The following MAP3K13 variants were observed in gnomAD, a reference collection of about 807,000 sequenced individuals.
MAP3K13 encodes the protein leucine zipper-bearing kinase.
Under a neutral mutation model 104.0 loss-of-function variants are expected in MAP3K13, and 52 were observed. The ratio of observed to expected loss-of-function variants is 0.50; its 90% confidence interval spans 0.40 to 0.63. The LOEUF is 0.63. Ranked by LOEUF, MAP3K13 falls within the 20% of genes least tolerant of loss-of-function variation. MAP3K13 has a pLI of 0.00. For synonymous variants in MAP3K13, 394 were observed against 442.2 expected, an observed-to-expected ratio of 0.89 and a Z score of 1.37; for missense variants, 914 against 1,218.5, an observed-to-expected ratio of 0.75 and a Z score of 3.72.
At chr3:185,463,874 T>C (rs1023810493) in intron 8 of MAP3K13, among the ~76,000 whole-genome samples, 6 of 152,244 alleles carry the variant, frequency 3.9e-5, no homozygotes, top group South Asian at 2.1e-4. Context: ...ATTAGGTCTC[T>C]GCAACAAAGA....
chr3:185,405,124 A>G (rs1006043166), intron 1 of MAP3K13, among the ~76,000 whole-genome samples: 1 of 152,092 alleles, frequency 6.6e-6, no homozygotes, highest in Non-Finnish European at 1.5e-5. Context: ...CTACCTGACT[A>G]CTGTTAGATT....
Position 185,415,573 on chromosome 3 carries a change from A to ATTTTTTTTTTTTTTTTTTTTTTTTTTTTT in MAP3K13, c.-85-12921_-85-12920insTTTTTTTTTTTTTTTTTTTTTTTTTTTTT, listed in dbSNP as rs34633048. Among the ~76,000 whole-genome samples, 7 of 119,450 alleles carry ATTTTTTTTTTTTTTTTTTTTTTTTTTTTT rather than the reference A, an allele frequency of 5.9e-5. 1 individual carries two copies. The highest frequency in any genetic ancestry group is 3.4e-5 in the Non-Finnish European group (2 of 59,192). The allele number at this position is 119,450 out of a possible 152,430, so 78.4% of individuals were successfully genotyped here. Reference sequence around the variant, plus strand: ...CACAGTATTAAAACCAGAAGGGTTAATTTCTTTTTTTTTTTTTTTTTTTTT... The same window carrying ATTTTTTTTTTTTTTTTTTTTTTTTTTTTT: ...CACAGTATTAAAACCAGAAGGGTTAATTTTTTTTTTTTTTTTTTTTTTTTTTTTTTTTCTTTTTTTTTTTTTTTTTTTTT... On this transcript the variant is annotated intron_variant, in intron 1 of 13. Transcript: ENST00000265026.
At chr3:185,370,468 T>TG (rs1172338721) in intron 1 of MAP3K13, among the ~76,000 whole-genome samples, 4 of 40,434 alleles carry the variant, frequency 9.9e-5, no homozygotes, top group Non-Finnish European at 2.9e-4. Flanking sequence ...AGTGCTGGGA[T>TG]TACAGGCGTG....
intron 1 of MAP3K13, among the ~76,000 whole-genome samples, chr3:185,403,444 A>G (rs1712927558): frequency 1.3e-5 from 2 of 152,262 alleles, no homozygotes; most frequent in Admixed American, 1.3e-4. Context: ...ATTTATGGCT[A>G]TAGTAAATGC....
intron 1 of MAP3K13, among the ~76,000 whole-genome samples, chr3:185,402,328 T>G (rs1020371156): frequency 1.3e-5 from 2 of 151,970 alleles, no homozygotes; most frequent in Non-Finnish European, 2.9e-5. Context: ...ATTGTCAGGG[T>G]TTTTTTTCTA....
Position 185,482,754 on chromosome 3 carries a change from A to G in MAP3K13, c.*298A>G. On this transcript the variant is annotated 3_prime_UTR_variant, in exon 14 of 14. Coordinates refer to ENST00000265026, the MANE Select transcript of MAP3K13 (RefSeq NM_004721.5). The surrounding 1 kb of genome is among the most constrained non-coding windows in gnomAD (Gnocchi z 4.5). The stretch of plus-strand genomic sequence containing the variant: ...ATATTTATTTTTGTTTGACATTTTA[A>G]CACTTTGTACTGCAAAGAGTGAACT... 1 of 314,394 alleles carries G rather than the reference A, an allele frequency of 3.2e-6. No individual in the cohort carries two copies. The highest frequency in any genetic ancestry group is 5.9e-6 in the Non-Finnish European group (1 of 170,000). The allele number at this position is 314,394 out of a possible 1,614,324, so 19.5% of individuals were successfully genotyped here. A position where few individuals can be genotyped will look rare whatever the true frequency, so the allele number is the denominator to read the frequency against.
At chr3:185,366,562 T>G (rs1723897598) in intron 1 of MAP3K13, among the ~76,000 whole-genome samples, 1 of 152,242 alleles carries the variant, frequency 6.6e-6, no homozygotes, top group African/African-American at 2.4e-5. Context: ...CAGCAATGTA[T>G]GAGGGTCCAG....
rs1716224375 is a variant in MAP3K13, at chr3:185,454,638, A to ATATATAT, written c.1278+3243_1278+3244insTATATAT. 6.0e-5 allele frequency among the ~76,000 whole-genome samples: 3 copies of ATATATAT among 49,836 alleles called. 1 individual carries two copies. The highest frequency in any genetic ancestry group is 6.6e-4 in the Admixed American group (2 of 3,032). 32.7% of individuals were successfully genotyped at this position (49,836 alleles called of 152,430 possible). Reference sequence around the variant, plus strand: ...GATATATATATGAGATATATATATGAGATATATATATGATATATATATGAT... The same window carrying ATATATAT: ...GATATATATATGAGATATATATATGATATATATGATATATATATGATATATATATGAT... On this transcript the variant is annotated intron_variant, in intron 7 of 13. Transcript: ENST00000265026.
At chr3:185,390,532 C>G (rs1450191126) in intron 1 of MAP3K13, among the ~76,000 whole-genome samples, 6 of 152,150 alleles carry the variant, frequency 3.9e-5, no homozygotes, top group African/African-American at 1.2e-4. Context: ...TTTATTGTTA[C>G]TCATTACAAA....
chr3:185,447,812 C>A lies in MAP3K13; in HGVS notation c.875C>A (p.Ala292Glu). 6.2e-7 allele frequency: 1 copy of A among 1,611,928 alleles called. No individual in the cohort carries two copies. ...SPNVLVTHTD[A>E]VKISDFGTSK... ...AGTGTTTTAGTGACCCACACAGATG[C>A]GGTAAAAATTTCAGATTTTGGTACA... is the stretch of plus-strand genomic sequence containing the variant. Residue 292 changes from alanine to glutamate, a missense_variant, in exon 5 of 14, where the codon GCG (alanine) becomes GAG (glutamate). Coordinates refer to ENST00000265026, the MANE Select transcript of MAP3K13 (RefSeq NM_004721.5).
chr3:185,437,530 T>C lies in MAP3K13; in HGVS notation c.559T>C (p.Phe187Leu), dbSNP rs1715107475. 6.2e-7 allele frequency: 1 copy of C among 1,613,978 alleles called. No homozygotes were observed. Among genetic ancestry groups the C allele is most frequent in the East Asian group, 2.2e-5 (1 of 44,874 alleles). Residue 187 changes from phenylalanine to leucine, a missense_variant, in exon 3 of 14, where the codon TTC (phenylalanine) becomes CTC (leucine). Physicochemically the swap from Phe to Leu is conservative, Grantham distance 22 (BLOSUM62 0). Around this residue, in one of 3 missense-constraint regions of MAP3K13, gnomAD observed 175 missense variants for 321.3 expected, o/e 0.54. Coordinates refer to ENST00000265026, the MANE Select transcript of MAP3K13 (RefSeq NM_004721.5). Reference sequence around the variant, plus strand: ...CCAAGGAGCGGTCTTCTTGGGCAAGTTCCGGGCGGAAGAGGTGGCCATCAA... The same window carrying C: ...CCAAGGAGCGGTCTTCTTGGGCAAGCTCCGGGCGGAAGAGGTGGCCATCAA... ...GAQGAVFLGK[F>L]RAEEVAIKKV... is the part of the protein sequence containing the mutation.
chr3:185,472,265 T>A (rs921265946), intron 10 of MAP3K13, among the ~76,000 whole-genome samples: 2 of 148,442 alleles, frequency 1.3e-5, no homozygotes, highest in East Asian at 4.0e-4. Context: ...GCTGGAGTAG[T>A]GTAGTGGCAC....
chr3:185,391,844 G>A (rs1366470495), intron 1 of MAP3K13, among the ~76,000 whole-genome samples: 1 of 152,028 alleles, frequency 6.6e-6, no homozygotes, highest in Non-Finnish European at 1.5e-5. Flanking sequence ...AAGCAGATAG[G>A]TTAGATATCT....
intron 1 of MAP3K13, among the ~76,000 whole-genome samples, chr3:185,378,010 G>T (rs544814808): frequency 1.3e-5 from 2 of 152,184 alleles, no homozygotes; most frequent in African/African-American, 4.8e-5. Context: ...CTGGGGTGGG[G>T]GGAGGTTCTG....
chr3:185,382,028 G>A (rs62290219), intron 1 of MAP3K13, among the ~76,000 whole-genome samples: 38,781 of 152,016 alleles, frequency 0.26, 5,108 homozygotes, highest in Admixed American at 0.3. Flanking sequence ...TGATGATGAA[G>A]TCTATCCAAT....
chr3:185,452,997 G>A (rs533941997), intron 7 of MAP3K13, among the ~76,000 whole-genome samples: 8 of 152,244 alleles, frequency 5.3e-5, no homozygotes, highest in African/African-American at 9.6e-5. Context: ...TCATAAGGGC[G>A]CAGATCTGGA....
rs61621090 is a variant in MAP3K13, at chr3:185,449,371, TAAAAAAA to T, written c.1011-512_1011-506del. Among the ~76,000 whole-genome samples the T allele has an allele frequency of 5.0e-5, 4 of 80,786 alleles. 1 individual carries two copies. Among genetic ancestry groups the T allele is most frequent in the South Asian group, 8.7e-4 (2 of 2,304 alleles). The allele number at this position is 80,786 out of a possible 152,430, so 53.0% of individuals were successfully genotyped here. On this transcript the variant is annotated intron_variant, in intron 5 of 13. Coordinates refer to ENST00000265026, the MANE Select transcript of MAP3K13 (RefSeq NM_004721.5). ...CTAGGTGACAGAGCAAGATGCTGTCTAAAAAAAAAAAAAAAAAAAAAAAGTTTTTAAC... is the reference window on the plus strand; with the variant it reads ...CTAGGTGACAGAGCAAGATGCTGTCTAAAAAAAAAAAAAAAAGTTTTTAAC...
intron 2 of MAP3K13, chr3:185,293,041 T>C: frequency 1.0e-6 from 1 of 985,304 alleles, no homozygotes; most frequent in Non-Finnish European, 1.2e-6. Flanking sequence ...GTGTGTGTAC[T>C]TGGTCATTAA....
chr3:185,484,496 C>T lies in MAP3K13; in HGVS notation c.*2040C>T, dbSNP rs1285813319. 1 of 152,156 alleles carries T rather than the reference C, an allele frequency of 6.6e-6. No individual in the cohort carries two copies. The highest frequency in any genetic ancestry group is 1.9e-4 in the East Asian group (1 of 5,200). 9.4% of individuals were successfully genotyped at this position (152,156 alleles called of 1,614,324 possible). On this transcript the variant is annotated 3_prime_UTR_variant, in exon 14 of 14. Coordinates refer to ENST00000265026, the MANE Select transcript of MAP3K13 (RefSeq NM_004721.5). ...CAGCTGTTAAACCATTTCCAATGCACATGAAAATGTTGCCGCTCCTCTGGG... is the reference window on the plus strand; with the variant it reads ...CAGCTGTTAAACCATTTCCAATGCATATGAAAATGTTGCCGCTCCTCTGGG...
Sources: allele counts gnomAD v4.1 joint callset (sites outside exome capture counted in the v4.1 genomes callset), GRCh38; gene constraint gnomAD v4.1.1; regional missense constraint gnomAD v4.1.1; non-coding constraint Gnocchi (gnomAD v3.1); transcripts MANE v1.5; gene names NCBI Gene and HGNC (gene_info 2026-07-23, HGNC 2026-07-21).